The following ZFYVE26 variants were observed in gnomAD, a reference collection of about 807,000 sequenced individuals.
The protein encoded by ZFYVE26 is zinc finger FYVE domain-containing protein 26.
ZFYVE26 carries 181 observed loss-of-function variants against 276.5 expected under a neutral mutation model. That is an observed-to-expected ratio of 0.65 (90% CI 0.58 to 0.74). The LOEUF (loss-of-function observed/expected upper bound fraction) is 0.74, where lower values mean the gene tolerates loss of function less well. Ranked by LOEUF, ZFYVE26 falls within the 30% of genes least tolerant of loss-of-function variation. The pLI is 0.00. For synonymous variants in ZFYVE26, 1,129 were observed against 1,203.1 expected (o/e 0.94, Z 1.27); for missense variants, 2,821 against 3,097.9 (o/e 0.91, Z 2.12).
Position 67,794,204 on chromosome 14 carries a change from T to C in ZFYVE26, c.2368A>G (p.Ser790Gly). Residue 790 changes from serine to glycine, a missense_variant, in exon 13 of 42, where the codon AGT (serine) becomes GGT (glycine). Transcript: ENST00000347230. Reference sequence around the variant, plus strand: ...CTTGTGCTCAGCTCACTACTTGTACTTTCCAGGGATGGGTTTGAACCTCTG... The same window carrying C: ...CTTGTGCTCAGCTCACTACTTGTACCTTCCAGGGATGGGTTTGAACCTCTG... ...RDRGSNPSLESTSSELSTSTS... is the reference protein window; with the variant it reads ...RDRGSNPSLEGTSSELSTSTS... 1 of 1,614,222 alleles carries C rather than the reference T, an allele frequency of 6.2e-7. No individual in the cohort carries two copies. Among genetic ancestry groups the C allele is most frequent in the Non-Finnish European group, 8.5e-7 (1 of 1,180,020 alleles).
At chr14:67,769,842 C>A in intron 28 of ZFYVE26, 112 bp from the exon 29 acceptor site, 2 of 1,434,848 alleles carry the variant, frequency 1.4e-6, no homozygotes, top group Non-Finnish European at 1.9e-6. Context: ...CTAAGAACAC[C>A]AACTGCTTGG....
intron 5 of ZFYVE26, 71 bp from the exon 6 acceptor site, chr14:67,806,746 A>T: frequency 1.3e-6 from 2 of 1,586,910 alleles, no homozygotes; most frequent in Non-Finnish European, 1.7e-6. Flanking sequence ...CCATTTGAAC[A>T]ACCAAGTGAT....
chr14:67,797,530 C>A, intron 12 of ZFYVE26, 142 bp downstream of exon 12: 1 of 918,150 alleles, frequency 1.1e-6, no homozygotes, highest in South Asian at 1.4e-5. Context: ...AAACTATTAA[C>A]AAGGGTTACC....
At chr14:67,753,903 T>C in intron 38 of ZFYVE26, 137 bp from the exon 39 acceptor site, 1 of 1,480,948 alleles carries the variant, frequency 6.8e-7, no homozygotes, top group Non-Finnish European at 9.4e-7. Flanking sequence ...GCACTAGGGA[T>C]ATAAGAATGA....
chr14:67,753,889 C>T, intron 38 of ZFYVE26, 123 bp from the exon 39 acceptor site: 3 of 1,480,552 alleles, frequency 2.0e-6, no homozygotes, highest in Admixed American at 1.7e-5. Context: ...CTGCTAAGTG[C>T]CAGGCACTAG....
intron 27 of ZFYVE26, among the ~76,000 whole-genome samples, chr14:67,772,852 T>C (rs1031461073): frequency 5.3e-5 from 8 of 152,126 alleles, no homozygotes; most frequent in African/African-American, 1.9e-4. Context: ...TCCCAGCTAC[T>C]AGGGAGGCTG....
rs1403844814 is a variant in ZFYVE26, at chr14:67,750,525, C to T, written c.7416+527G>A. 2.8e-5 allele frequency: 5 copies of T among 180,960 alleles called. No homozygotes were observed. In the East Asian group the frequency reaches 4.3e-4, roughly 16 times the overall value. The allele number at this position is 180,960 out of a possible 1,614,324, so 11.2% of individuals were successfully genotyped here. ...TGACTGGCACTCCTCCCAAAGGCAA[C>T]GGGAAGCAAAGGTTCACCATTTTCC... On this transcript the variant is annotated intron_variant, in intron 41 of 41. Transcript: ENST00000347230.
chr14:67,732,063 G>C (rs1313043451), intron 13 of ZFYVE26, among the ~76,000 whole-genome samples: 1 of 150,626 alleles, frequency 6.6e-6, no homozygotes, highest in Admixed American at 6.6e-5. Flanking sequence ...GGAGGCGGAG[G>C]CTGCAGTAAG....
chr14:67,736,320 A>G (rs1374073132), intron 13 of ZFYVE26, among the ~76,000 whole-genome samples: 1 of 152,258 alleles, frequency 6.6e-6, no homozygotes, highest in Admixed American at 6.5e-5. Context: ...CGTCTCTTCT[A>G]CGGCTATCAT....
rs764937456 is a variant in ZFYVE26 at position 67,775,106 on chromosome 14, T to A, written c.5230A>T (p.Ile1744Phe). The A allele has an allele frequency of 1.1e-5, 18 of 1,608,682 alleles. No homozygotes were observed. Among genetic ancestry groups the A allele is most frequent in the Non-Finnish European group, 1.4e-5 (16 of 1,177,332 alleles). Residue 1744 changes from isoleucine (I) to phenylalanine (F), a missense_variant, in exon 27 of 42, where the codon ATT becomes TTT. Physicochemically the swap from Ile to Phe is conservative, Grantham distance 21. Coordinates refer to ENST00000347230, the MANE Select transcript of ZFYVE26 (RefSeq NM_015346.4). ...PQREKRSDSV[I>F]HLQEIVHQAA... ...TGGTGGACAATTTCTTGGAGGTGAA[T>A]CACAGAATCTGTAGAGAGGGAAAAT...
At position 67,815,439 on chromosome 14, in the gene ZFYVE26, G is replaced by A. The variant is rs190532054; in HGVS notation, c.194+331C>T. On this transcript the variant is annotated intron_variant, in intron 2 of 41. Coordinates refer to ENST00000347230, the MANE Select transcript of ZFYVE26 (RefSeq NM_015346.4). ...ACAATATTTTCAATCTCATAAGCAA[G>A]AAGAGAGCAGGGTTTGCTTTTTTGG... The A allele has an allele frequency of 2.0e-3, 704 of 350,874 alleles. 3 individuals carry two copies. The highest frequency in any genetic ancestry group is 3.0e-3 in the Non-Finnish European group (545 of 184,042). The allele number at this position is 350,874 out of a possible 1,614,324, so 21.7% of individuals were successfully genotyped here. A position where few individuals can be genotyped will look rare whatever the true frequency, so the allele number is the denominator to read the frequency against.
In ZFYVE26 at chr14:67,807,098, C is replaced by T. The variant is rs553702813; in HGVS notation, c.886+300G>A. Among the ~76,000 whole-genome samples, 8 of 152,178 alleles carry T rather than the reference C, an allele frequency of 5.3e-5. No homozygotes were observed. In the South Asian group the frequency reaches 8.3e-4, roughly 16 times the overall value. On this transcript the variant is annotated intron_variant, in intron 5 of 41. Coordinates refer to ENST00000347230, the MANE Select transcript of ZFYVE26 (RefSeq NM_015346.4). ...CTTGAACCACAGGTGTGTGCCATCACGCCTAGCTAATTTCTAAATTTTTTT... is the reference window on the plus strand; with the variant it reads ...CTTGAACCACAGGTGTGTGCCATCATGCCTAGCTAATTTCTAAATTTTTTT...
intron 23 of ZFYVE26, among the ~76,000 whole-genome samples, chr14:67,780,029 G>A (rs553086988): frequency 2.0e-5 from 3 of 152,156 alleles, no homozygotes; most frequent in East Asian, 1.9e-4. Flanking sequence ...CCGCCACCAC[G>A]CCTAGCTAAT....
intron 11 of ZFYVE26, 22 bp from the exon 12 acceptor site, chr14:67,797,777 G>C (rs766288144): frequency 1.9e-5 from 31 of 1,613,126 alleles, no homozygotes; most frequent in Admixed American, 1.2e-4. Flanking sequence ...AACCCAATGG[G>C]ACAGAAAGGA....
chr14:67,781,488 A>G lies in ZFYVE26; in HGVS notation c.4414T>C (p.Ser1472Pro), dbSNP rs769571304. The G allele has an allele frequency of 9.3e-6, 15 of 1,614,070 alleles. No individual in the cohort carries two copies. In the South Asian group the frequency reaches 1.6e-4, roughly 18 times the overall value. The stretch of plus-strand genomic sequence containing the variant: ...TGTAGGGCCAGCCGACTTCTCAGAG[A>G]TGCATCCTTCACGGGAAACAGGTAT... ...WQYLFPVKDA[S>P]LRSRLALQFV... Residue 1472 changes from serine to proline, a missense_variant, in exon 22 of 42, where the codon TCT becomes CCT. Coordinates refer to ENST00000347230, the MANE Select transcript of ZFYVE26 (RefSeq NM_015346.4).
intron 19 of ZFYVE26, among the ~76,000 whole-genome samples, 164 bp downstream of exon 19, chr14:67,784,895 G>C (rs2039607432): frequency 6.6e-6 from 1 of 152,210 alleles, no homozygotes; most frequent in Non-Finnish European, 1.5e-5. Flanking sequence ...CTAGCACAAA[G>C]ATGAGTAAAA....
chr14:67,750,573 C>T, intron 41 of ZFYVE26: 1 of 197,284 alleles, frequency 5.1e-6, no homozygotes. Flanking sequence ...AGTTCTTTGG[C>T]CCCTGAGGAG....
At chr14:67,816,370 G>A (rs575696525) in intron 1 of ZFYVE26, among the ~76,000 whole-genome samples, 164 bp downstream of exon 1, 1 of 152,296 alleles carries the variant, frequency 6.6e-6, no homozygotes, top group South Asian at 2.1e-4. Context: ...GAGAAATTCA[G>A]CAGGAACCTC....
chr14:67,797,963 A>G (rs767280845), intron 11 of ZFYVE26, 51 bp downstream of exon 11: 4 of 1,612,712 alleles, frequency 2.5e-6, no homozygotes, highest in Non-Finnish European at 3.4e-6. Flanking sequence ...TATTCCTGGG[A>G]TCTTTCTCCC....
Sources: allele counts gnomAD v4.1 joint callset (sites outside exome capture counted in the v4.1 genomes callset), GRCh38; gene constraint gnomAD v4.1.1; transcripts MANE v1.5; gene names NCBI Gene and HGNC (gene_info 2026-07-23, HGNC 2026-07-21).